The following GLI3 variants were observed in gnomAD, a reference collection of about 807,000 sequenced individuals.
GLI3 encodes the protein GLI family zinc finger 3, also known as transcription activator GLI3.
Under a neutral mutation model 100.8 loss-of-function variants are expected in GLI3, and 20 were observed. The ratio of observed to expected loss-of-function variants is 0.20; its 90% CI spans 0.14 to 0.29. The LOEUF (loss-of-function observed/expected upper bound fraction) is 0.29, where lower values mean the gene tolerates loss of function less well. Among genes scored for constraint, GLI3 ranks in the 10% least tolerant of loss-of-function variants. The probability of loss-of-function intolerance (pLI) is 1.00; values close to 1 mark genes in which losing one functional copy is unlikely to be tolerated. For missense variants in GLI3, 2,040 were observed against 2,128.5 expected (o/e 0.96, Z 0.82); for synonymous variants, 938 against 860.5 (o/e 1.09, Z -1.58).
intron 2 of GLI3, among the ~76,000 whole-genome samples, chr7:42,168,399 T>C (rs1403938607): frequency 6.6e-6 from 1 of 152,174 alleles, no homozygotes; most frequent in Non-Finnish European, 1.5e-5. Flanking sequence ...AAAAAACATG[T>C]AGCAGAATAT....
intron 3 of GLI3, among the ~76,000 whole-genome samples, chr7:42,117,315 G>A (rs1277665625): frequency 1.3e-5 from 2 of 152,110 alleles, no homozygotes; most frequent in South Asian, 2.1e-4. Context: ...GTTTTCATTC[G>A]CACCACCTAG....
intron 3 of GLI3, among the ~76,000 whole-genome samples, chr7:42,120,477 A>G (rs934311049): frequency 2.0e-5 from 3 of 152,242 alleles, no homozygotes; most frequent in South Asian, 2.1e-4. Flanking sequence ...ATTTATAAGT[A>G]CAAACACTGA....
chr7:41,979,231 C>G (rs1787590036), intron 10 of GLI3, among the ~76,000 whole-genome samples: 1 of 152,214 alleles, frequency 6.6e-6, no homozygotes, highest in Admixed American at 6.5e-5. Flanking sequence ...CACACACAGA[C>G]ATGCACAATT....
chr7:41,967,284 C>A (rs557214927), intron 14 of GLI3, among the ~76,000 whole-genome samples: 32 of 152,286 alleles, frequency 2.1e-4, no homozygotes, highest in Admixed American at 1.9e-3. Context: ...ATTTTGGAAA[C>A]CAGAGACAGA....
intron 2 of GLI3, among the ~76,000 whole-genome samples, chr7:42,187,742 C>T (rs1298940043): frequency 6.6e-6 from 1 of 152,022 alleles, no homozygotes; most frequent in African/African-American, 2.4e-5. Flanking sequence ...CAGTGGCTCA[C>T]ACCTGTAATC....
intron 10 of GLI3, among the ~76,000 whole-genome samples, chr7:41,987,101 GACACAC>G (rs34005460): frequency 0.064 from 9,054 of 140,660 alleles, 498 homozygotes; most frequent in African/African-American, 0.14. Context: ...CACAGACACA[GACACAC>G]ACACACACAC....
At chr7:42,214,319 T>C (rs1040337035) in intron 2 of GLI3, among the ~76,000 whole-genome samples, 2 of 151,698 alleles carry the variant, frequency 1.3e-5, no homozygotes, top group African/African-American at 4.8e-5. Flanking sequence ...TGTGGCACAG[T>C]CAGACCTTTT....
chr7:42,236,688 G>A (rs980999002), intron 1 of GLI3, among the ~76,000 whole-genome samples: 1 of 152,216 alleles, frequency 6.6e-6, no homozygotes, highest in Non-Finnish European at 1.5e-5. Context: ...CGCCACCACT[G>A]CGGCAAACTT....
intron 3 of GLI3, among the ~76,000 whole-genome samples, chr7:42,133,517 A>T (rs1786346273): frequency 6.6e-6 from 1 of 152,124 alleles, no homozygotes; most frequent in Non-Finnish European, 1.5e-5. Flanking sequence ...AGGAGGGCTG[A>T]CACTACATCA....
In GLI3 at chr7:42,045,528, G is replaced by A. The variant is rs1212599716; in HGVS notation, c.682C>T (p.Pro228Ser). 1 of 1,613,820 alleles carries A rather than the reference G, an allele frequency of 6.2e-7. No individual in the cohort carries two copies. The highest frequency in any genetic ancestry group is 1.3e-5 in the African/African-American group (1 of 74,926). The change falls in exon 6 of 15, where the codon CCC becomes TCC. Residue 228 changes from proline (P) to serine (S), a missense_variant and splice_region_variant. Around this residue, in one of 5 missense-constraint regions of GLI3, gnomAD observed 603 missense variants for 690.9 expected, o/e 0.87. Transcript: ENST00000395925. Reference sequence around the variant, plus strand: ...TCTGCTGGGCTGACTCCTGCATGGGGCGCTAGGAGGAGACAAGAGATGTAT... The same window carrying A: ...TCTGCTGGGCTGACTCCTGCATGGGACGCTAGGAGGAGACAAGAGATGTAT... ...ATRGLSPTDA[P>S]HAGVSPAEYY... is the part of the protein sequence containing the mutation.
chr7:42,119,399 G>GT (rs1785939942), intron 3 of GLI3, among the ~76,000 whole-genome samples: 1 of 152,136 alleles, frequency 6.6e-6, no homozygotes, highest in Non-Finnish European at 1.5e-5. Flanking sequence ...ACCCTTGATT[G>GT]TTCTGCTACA....
In GLI3 at chr7:42,068,919, C is replaced by T. The variant is rs573197908; in HGVS notation, c.473+7833G>A. 4.6e-5 allele frequency among the ~76,000 whole-genome samples: 7 copies of T among 152,202 alleles called. No individual in the cohort carries two copies. In the East Asian group the frequency reaches 1.4e-3, roughly 29 times the overall value. On this transcript the variant is annotated intron_variant, in intron 4 of 14. Transcript: ENST00000395925. The stretch of plus-strand genomic sequence containing the variant: ...AAAGTTCAGTTTTCTCAAACACATA[C>T]TTAAAAAAATAAATAAAATGACAAC...
chr7:42,119,379 C>A (rs1469166695), intron 3 of GLI3, among the ~76,000 whole-genome samples: 1 of 152,146 alleles, frequency 6.6e-6, no homozygotes, highest in Non-Finnish European at 1.5e-5. Flanking sequence ...CCCAAACCAT[C>A]CTTGCCAGCA....
chr7:42,117,119 C>A (rs1251418075), intron 3 of GLI3, among the ~76,000 whole-genome samples: 2 of 152,190 alleles, frequency 1.3e-5, no homozygotes, highest in African/African-American at 4.8e-5. Flanking sequence ...CTAATTCTAA[C>A]TTTTGGTGTT....
Position 41,964,146 on chromosome 7 carries a change from T to C in GLI3, c.*184A>G. On this transcript the variant is annotated 3_prime_UTR_variant, in exon 15 of 15. Transcript: ENST00000395925. The stretch of plus-strand genomic sequence containing the variant: ...ACTGAAATGGAAGACAGTTTCTCCC[T>C]AGAATACTTTAGGGTTTTTCAGAGT... The C allele has an allele frequency of 1.8e-6, 1 of 552,214 alleles. No homozygotes were observed. Among genetic ancestry groups the C allele is most frequent in the East Asian group, 3.3e-5 (1 of 30,444 alleles). The allele number at this position is 552,214 out of a possible 1,614,324, so 34.2% of individuals were successfully genotyped here.
intron 3 of GLI3, among the ~76,000 whole-genome samples, chr7:42,123,058 C>T (rs904160382): frequency 6.6e-5 from 10 of 152,186 alleles, no homozygotes; most frequent in African/African-American, 2.4e-4. Flanking sequence ...GCATTCATAT[C>T]GGTAAAATCA....
chr7:41,967,407 C>A (rs774488376), intron 14 of GLI3, among the ~76,000 whole-genome samples, 189 bp downstream of exon 14: 8 of 152,128 alleles, frequency 5.3e-5, no homozygotes, highest in Non-Finnish European at 1.0e-4. Flanking sequence ...TCAATATTAT[C>A]CTGTTCCTAG....
Position 42,040,161 on chromosome 7 carries a change from T to C in GLI3, c.905A>G (p.His302Arg), listed in dbSNP as rs367810776. Residue 302 changes from histidine (H) to arginine (R), a missense_variant, in exon 7 of 15, where the codon CAT becomes CGT. Transcript: ENST00000395925. The stretch of plus-strand genomic sequence containing the variant: ...TATCATGGTCTGAAGGTCAAAGCTA[T>C]GATCGGAGAGTGGTGATATGGACAG... ...RTLSISPLSD[H>R]SFDLQTMIRT... 2.9e-5 allele frequency: 47 copies of C among 1,613,820 alleles called. No individual in the cohort carries two copies. The highest frequency in any genetic ancestry group is 3.9e-5 in the Non-Finnish European group (46 of 1,179,830).
intron 11 of GLI3, 190 bp from the exon 12 acceptor site, chr7:41,977,912 G>T: frequency 3.2e-6 from 2 of 626,082 alleles, no homozygotes; most frequent in Non-Finnish European, 5.7e-6. Context: ...TCCAGATAAA[G>T]AGTTTTCAGT....
Sources: gnomAD v4.1 joint callset for allele counts (sites outside exome capture counted in the v4.1 genomes callset) on GRCh38, gnomAD v4.1.1 for gene constraint, gnomAD v4.1.1 regional missense constraint, MANE v1.5 for transcripts, NCBI Gene and HGNC (gene_info 2026-07-23, HGNC 2026-07-21) for gene names.